Variants in GINM1 observed in about 807,000 individuals in gnomAD.
GINM1 encodes the protein glycoprotein integral membrane protein 1.
A neutral mutation model predicts 37.8 loss-of-function variants in GINM1; 29 were observed. That is an observed-to-expected ratio of 0.77 (90% CI 0.57 to 1.05). GINM1 has a LOEUF of 1.05. GINM1 is among the 50% of genes least tolerant of loss of function. The probability of loss-of-function intolerance (pLI) is 0.00; values close to 1 mark genes in which losing one functional copy is unlikely to be tolerated. For synonymous variants in GINM1, 143 were observed against 146.2 expected, an observed-to-expected ratio of 0.98 and a Z score of 0.16; for missense variants, 377 against 397.9, an observed-to-expected ratio of 0.95 and a Z score of 0.45.
At chr6:149,575,576 G>C (rs1161997479) in intron 3 of GINM1, among the ~76,000 whole-genome samples, 1 of 152,176 alleles carries the variant, frequency 6.6e-6, no homozygotes, top group Non-Finnish European at 1.5e-5. Context: ...ACTCACCTCA[G>C]GGAGCTCTTT....
rs1038561730 is a variant in GINM1 at position 149,572,417 on chromosome 6, C to T, written c.180+73C>T. ...GCAGCTTATTTGATTTTTTAACTTG[C>T]ACGTCTCATTTAGTTAATCTTTTTT... On this transcript the variant is annotated intron_variant, in intron 2 of 7. Transcript: ENST00000367419. 3.9e-6 allele frequency: 5 copies of T among 1,276,728 alleles called. No homozygotes were observed. The highest frequency in any genetic ancestry group is 2.1e-5 in the Admixed American group (1 of 46,628). 79.1% of individuals were successfully genotyped at this position (1,276,728 alleles called of 1,614,324 possible). A position where few individuals can be genotyped will look rare whatever the true frequency, so the allele number is the denominator to read the frequency against.
intron 7 of GINM1, among the ~76,000 whole-genome samples, chr6:149,586,262 A>G (rs1379662560): frequency 6.6e-6 from 1 of 152,192 alleles, no homozygotes; most frequent in African/African-American, 2.4e-5. Flanking sequence ...TGCAGAGATC[A>G]CATATCAAGA....
intron 7 of GINM1, among the ~76,000 whole-genome samples, chr6:149,583,727 A>G (rs75425441): frequency 1.4e-3 from 206 of 152,154 alleles, no homozygotes; most frequent in African/African-American, 4.9e-3. Flanking sequence ...TCCAAAATCT[A>G]TTATGTGGGG....
intron 7 of GINM1, among the ~76,000 whole-genome samples, chr6:149,585,036 A>T (rs1562273324): frequency 6.6e-6 from 1 of 152,088 alleles, no homozygotes; most frequent in Admixed American, 6.6e-5. Context: ...TGGATTAGGG[A>T]TGCTTGACCT....
chr6:149,572,419 C>A, intron 2 of GINM1, 75 bp downstream of exon 2: 1 of 1,267,490 alleles, frequency 7.9e-7, no homozygotes, highest in Non-Finnish European at 1.1e-6. Flanking sequence ...TTAACTTGCA[C>A]GTCTCATTTA....
At chr6:149,582,169 A>G (rs1778012261) in intron 6 of GINM1, 2 of 532,790 alleles carry the variant, frequency 3.8e-6, no homozygotes, top group African/African-American at 3.8e-5. Flanking sequence ...AAAACAATAT[A>G]AATAATTTTA....
At chr6:149,574,235 G>A (rs1392924657) in intron 3 of GINM1, among the ~76,000 whole-genome samples, 2 of 151,938 alleles carry the variant, frequency 1.3e-5, no homozygotes, top group Non-Finnish European at 1.5e-5. Context: ...ATTTTTAGTA[G>A]AGATGGGGTT....
At chr6:149,567,396 C>T (rs1325294604) in intron 1 of GINM1, among the ~76,000 whole-genome samples, 1 of 152,184 alleles carries the variant, frequency 6.6e-6, no homozygotes, top group South Asian at 2.1e-4. Flanking sequence ...CTAGTCAAGA[C>T]TTGAATATGA....
chr6:149,576,749 A>G (rs1248127531), intron 3 of GINM1, among the ~76,000 whole-genome samples: 1 of 152,240 alleles, frequency 6.6e-6, no homozygotes, highest in African/African-American at 2.4e-5. Context: ...GCCGCCTACC[A>G]CAGTAAGGAA....
intron 7 of GINM1, among the ~76,000 whole-genome samples, chr6:149,586,596 G>T (rs1778074400): frequency 6.6e-6 from 1 of 152,134 alleles, no homozygotes; most frequent in African/African-American, 2.4e-5. Flanking sequence ...TACACATGAA[G>T]TCTCTTGAAA....
intron 6 of GINM1, 93 bp downstream of exon 6, chr6:149,580,816 A>G (rs1777988865): frequency 1.1e-5 from 12 of 1,112,636 alleles, no homozygotes; most frequent in Non-Finnish European, 1.6e-5. Context: ...ATCCTGAAGA[A>G]TGGAACTGTA....
chr6:149,587,422 G>A (rs1351660335), intron 7 of GINM1, among the ~76,000 whole-genome samples: 3 of 152,174 alleles, frequency 2.0e-5, no homozygotes, highest in East Asian at 3.9e-4. Context: ...CCCAGGTTGT[G>A]ATGTGTGATT....
At chr6:149,577,152 G>A (rs1488716624) in intron 3 of GINM1, among the ~76,000 whole-genome samples, 9 of 152,184 alleles carry the variant, frequency 5.9e-5, no homozygotes, top group Non-Finnish European at 1.0e-4. Context: ...TGAGATTTGC[G>A]GGGAACATCC....
intron 1 of GINM1, among the ~76,000 whole-genome samples, chr6:149,570,333 A>G (rs1276497116): frequency 2.0e-5 from 3 of 151,570 alleles, no homozygotes. Flanking sequence ...TACATTCTCT[A>G]GTTTGCAAAG....
chr6:149,577,119 A>G (rs1777925600), intron 3 of GINM1, among the ~76,000 whole-genome samples: 1 of 152,226 alleles, frequency 6.6e-6, no homozygotes, highest in Admixed American at 6.5e-5. Context: ...CCCGCCTCCA[A>G]CATTGGGAAT....
intron 7 of GINM1, chr6:149,584,350 C>G (rs1212928142): frequency 6.6e-6 from 1 of 152,152 alleles, no homozygotes; most frequent in Non-Finnish European, 1.5e-5. Flanking sequence ...CTTGGCTTAG[C>G]TACATTGCAT....
At chr6:149,576,922 A>G (rs1777923151) in intron 3 of GINM1, among the ~76,000 whole-genome samples, 1 of 152,234 alleles carries the variant, frequency 6.6e-6, no homozygotes, top group Admixed American at 6.5e-5. Flanking sequence ...TACAGGAAGC[A>G]TGGCACCAGC....
rs773382787 is a variant in GINM1, at chr6:149,580,554, C to CT, written c.587-39_587-38insT. ...TAATCTTAGGACTAGTAGGATAAGA[C>CT]ACCAGCATTTTGGTAACGTTGCTCT... is the stretch of plus-strand genomic sequence containing the variant. On this transcript the variant is annotated intron_variant, in intron 5 of 7. Coordinates refer to ENST00000367419, the MANE Select transcript of GINM1 (RefSeq NM_138785.5). 60 of 1,582,502 alleles carry CT rather than the reference C, an allele frequency of 3.8e-5. No homozygotes were observed. The African/African-American group carries it at 8.1e-4, about 21-fold the overall frequency.
At chr6:149,569,025 T>G (rs1224851687) in intron 1 of GINM1, among the ~76,000 whole-genome samples, 1 of 151,406 alleles carries the variant, frequency 6.6e-6, no homozygotes, top group Admixed American at 6.6e-5. Flanking sequence ...TTTATTTTTT[T>G]ATTTTTTGTT....
Sources: allele counts gnomAD v4.1 joint callset (sites outside exome capture counted in the v4.1 genomes callset), GRCh38; gene constraint gnomAD v4.1.1; transcripts MANE v1.5; gene names NCBI Gene and HGNC (gene_info 2026-07-23, HGNC 2026-07-21).